VAMP8: variants seen among roughly 807,000 people sequenced by gnomAD.
VAMP8 encodes the protein vesicle-associated membrane protein 8.
Under a neutral mutation model 11.4 loss-of-function variants are expected in VAMP8, and 9 were observed. The ratio of observed to expected loss-of-function variants is 0.79; its 90% CI spans 0.48 to 1.38. The LOEUF (loss-of-function observed/expected upper bound fraction) is 1.38, where lower values mean the gene tolerates loss of function less well. VAMP8 is among the 40% of genes most tolerant of loss of function. The probability of loss-of-function intolerance (pLI) is 0.00; values close to 1 mark genes in which losing one functional copy is unlikely to be tolerated. For synonymous variants in VAMP8, 42 were observed against 44.7 expected (o/e 0.94, Z 0.24); for missense variants, 108 against 127.8 (o/e 0.85, Z 0.75).
chr2:85,577,742 G>T lies in VAMP8; in HGVS notation c.3+93G>T, dbSNP rs1672305293. ...TTGGCTGTGTCGGGGGAGGAGAGTTGGTGGCAAAGTTAGAGGGCTGGGCCA... is the reference window on the plus strand; with the variant it reads ...TTGGCTGTGTCGGGGGAGGAGAGTTTGTGGCAAAGTTAGAGGGCTGGGCCA... On this transcript the variant is annotated intron_variant, in intron 1 of 2. Transcript: ENST00000263864. 3 of 1,535,526 alleles carry T rather than the reference G, an allele frequency of 2.0e-6. No individual in the cohort carries two copies. The South Asian group carries it at 3.6e-5, about 18-fold the overall frequency.
chr2:85,578,455 G>A (rs981269298), intron 1 of VAMP8, among the ~76,000 whole-genome samples: 3 of 152,212 alleles, frequency 2.0e-5, no homozygotes, highest in Non-Finnish European at 4.4e-5. Context: ...CGCCTTCTGG[G>A]ATACTTGGTT....
At chr2:85,578,307 G>A (rs993376592) in intron 1 of VAMP8, among the ~76,000 whole-genome samples, 1 of 152,104 alleles carries the variant, frequency 6.6e-6, no homozygotes, top group African/African-American at 2.4e-5. Context: ...ATCAGCCAGG[G>A]AGGACTAGTC....
intron 1 of VAMP8, 31 bp from the exon 2 acceptor site, chr2:85,578,978 T>C: frequency 6.3e-7 from 1 of 1,585,858 alleles, no homozygotes; most frequent in South Asian, 1.1e-5. Flanking sequence ...CCCCCACCAC[T>C]TGGTCTAATT....
At chr2:85,579,977 A>G (rs1156735875) in intron 2 of VAMP8, 13 of 1,385,234 alleles carry the variant, frequency 9.4e-6, no homozygotes, top group Non-Finnish European at 1.2e-5. Context: ...TTTTTTTTAG[A>G]CAGAGCCTCA....
At chr2:85,579,190 G>T (rs1383118589) in intron 2 of VAMP8, 23 bp downstream of exon 2, 1 of 1,555,068 alleles carries the variant, frequency 6.4e-7, no homozygotes, top group South Asian at 1.2e-5. Context: ...GCCCACTGGG[G>T]GCTGGAGGAA....
chr2:85,578,233 G>A (rs1672313997), intron 1 of VAMP8, among the ~76,000 whole-genome samples: 1 of 152,180 alleles, frequency 6.6e-6, no homozygotes, highest in Admixed American at 6.5e-5. Flanking sequence ...CAAGCGGGGA[G>A]GAGCTAAATA....
Position 85,581,784 on chromosome 2 carries a change from G to A in VAMP8, c.*68G>A. The stretch of plus-strand genomic sequence containing the variant: ...ACCCTCCATAAATGTGTGCCAAGAG[G>A]GTCTCCTTTCCTGTCTTCCTCTACA... On this transcript the variant is annotated 3_prime_UTR_variant, in exon 3 of 3. Transcript: ENST00000263864. The A allele has an allele frequency of 6.3e-7, 1 of 1,593,924 alleles. No homozygotes were observed. The highest frequency in any genetic ancestry group is 1.1e-5 in the South Asian group (1 of 88,538).
intron 2 of VAMP8, among the ~76,000 whole-genome samples, chr2:85,579,520 G>C (rs1672334163): frequency 6.6e-6 from 1 of 152,158 alleles, no homozygotes; most frequent in African/African-American, 2.4e-5. Context: ...GACCTTCCCA[G>C]GGCAGAAATA....
chr2:85,580,551 C>CATAT (rs1672359656), intron 2 of VAMP8, among the ~76,000 whole-genome samples: 4 of 151,898 alleles, frequency 2.6e-5, no homozygotes, highest in African/African-American at 9.7e-5. Context: ...AAAGGGGACC[C>CATAT]CTAGTCATAT....
At chr2:85,580,136 G>A (rs1424214543) in intron 2 of VAMP8, among the ~76,000 whole-genome samples, 2 of 152,052 alleles carry the variant, frequency 1.3e-5, no homozygotes, top group Non-Finnish European at 2.9e-5. Context: ...ATTTTTAGTA[G>A]AGACGAAGTT....
At position 85,581,558 on chromosome 2, in the gene VAMP8, C is replaced by G. The variant is rs756054198; in HGVS notation, c.163-18C>G. ...GGGAGGAGCCACTGGGTCACTCACT[C>G]TGCCTTTTCCCCAACAGTCTGAGCA... On this transcript the variant is annotated intron_variant, in intron 2 of 2. Coordinates refer to ENST00000263864, the MANE Select transcript of VAMP8 (RefSeq NM_003761.5). 4 of 1,613,682 alleles carry G rather than the reference C, an allele frequency of 2.5e-6. No individual in the cohort carries two copies. The African/African-American group carries it at 5.3e-5, about 22-fold the overall frequency.
At chr2:85,578,063 C>T (rs1672309767) in intron 1 of VAMP8, among the ~76,000 whole-genome samples, 1 of 152,200 alleles carries the variant, frequency 6.6e-6, no homozygotes, top group Non-Finnish European at 1.5e-5. Flanking sequence ...TCACTTTATC[C>T]CCACACAGAA....
chr2:85,581,458 C>G (rs1468973926), intron 2 of VAMP8, 118 bp from the exon 3 acceptor site: 25 of 1,286,668 alleles, frequency 1.9e-5, no homozygotes, highest in Non-Finnish European at 2.5e-5. Context: ...AGTGACAGAG[C>G]GAGACTCCAT....
chr2:85,579,754 G>T (rs1490172614), intron 2 of VAMP8: 14 of 1,550,764 alleles, frequency 9.0e-6, no homozygotes, highest in Non-Finnish European at 1.1e-5. Context: ...AGGGGCTGAG[G>T]CCAGCTGTTT....
At chr2:85,579,695 A>G (rs1672337288) in intron 2 of VAMP8, 1 of 1,538,514 alleles carries the variant, frequency 6.5e-7, no homozygotes, top group Admixed American at 2.1e-5. Context: ...AGGCTAAAAT[A>G]ATATCTCCCA....
intron 2 of VAMP8, chr2:85,579,784 A>T (rs767299736): frequency 6.4e-7 from 1 of 1,550,650 alleles, no homozygotes; most frequent in South Asian, 1.2e-5. Context: ...AGTAACTCCA[A>T]AGTTGAGCAA....
At chr2:85,578,866 C>T (rs2104028639) in intron 1 of VAMP8, 143 bp from the exon 2 acceptor site, 1 of 862,044 alleles carries the variant, frequency 1.2e-6, no homozygotes, top group Admixed American at 2.8e-5. Flanking sequence ...AGAAGTAATA[C>T]ATGAAAACAT....
In VAMP8 at chr2:85,579,792, C is replaced by T. The variant is rs182593719; in HGVS notation, c.162+625C>T. 3,467 of 1,550,686 alleles carry T rather than the reference C, an allele frequency of 2.2e-3. 7 individuals carry two copies. The highest frequency in any genetic ancestry group is 2.7e-3 in the Admixed American group (140 of 50,992). On this transcript the variant is annotated intron_variant, in intron 2 of 2. Coordinates refer to ENST00000263864, the MANE Select transcript of VAMP8 (RefSeq NM_003761.5). Reference sequence around the variant, plus strand: ...GGGAGGAAGTAACTCCAAAGTTGAGCAAAGTCTGGAGCCTCAAGTTCTGTG... The same window carrying T: ...GGGAGGAAGTAACTCCAAAGTTGAGTAAAGTCTGGAGCCTCAAGTTCTGTG...
At chr2:85,580,340 C>G (rs1160039870) in intron 2 of VAMP8, among the ~76,000 whole-genome samples, 1 of 152,094 alleles carries the variant, frequency 6.6e-6, no homozygotes, top group African/African-American at 2.4e-5. Flanking sequence ...ACTTCCAACC[C>G]TCTATCCTGT....
Sources: allele counts gnomAD v4.1 joint callset (sites outside exome capture counted in the v4.1 genomes callset), GRCh38; gene constraint gnomAD v4.1.1; transcripts MANE v1.5; gene names NCBI Gene and HGNC (gene_info 2026-07-23, HGNC 2026-07-21).